Variants in ILKAP observed in about 807,000 individuals in gnomAD.
The protein encoded by ILKAP is integrin-linked kinase-associated serine/threonine phosphatase 2C.
ILKAP carries 11 observed loss-of-function variants against 49.1 expected under a neutral mutation model. That is an observed-to-expected ratio of 0.22 (90% CI 0.14 to 0.37). The LOEUF (loss-of-function observed/expected upper bound fraction) is 0.37. Among genes scored for constraint, ILKAP ranks in the 10% least tolerant of loss-of-function variants. The pLI, the probability that ILKAP is intolerant of heterozygous loss-of-function variation, is 1.00. For missense variants in ILKAP, 363 were observed against 510.8 expected, an observed-to-expected ratio of 0.71 and a Z score of 2.79; for synonymous variants, 186 against 192.8, an observed-to-expected ratio of 0.96 and a Z score of 0.29.
Position 238,203,515 on chromosome 2 carries a change from C to T in ILKAP, c.39G>A (p.Ser13=). Residue 13 remains serine (S), a synonymous_variant, in exon 1 of 12, where the codon TCG becomes TCA. Transcript: ENST00000254654. ...GCCGCTTACCGGCAGCCGGGCGCGG[C>T]GAGCGCTCGGGCTCCGGCAGGTCCC... is the stretch of plus-strand genomic sequence containing the variant. The part of the protein sequence containing the change: ...LFGDLPEPER[S]PRPAAGKEAQ... 1 of 1,249,362 alleles carries T rather than the reference C, an allele frequency of 8.0e-7. No individual in the cohort carries two copies. Among genetic ancestry groups the T allele is most frequent in the South Asian group, 2.0e-5 (1 of 49,040 alleles). 77.4% of individuals were successfully genotyped at this position (1,249,362 alleles called of 1,614,324 possible).
intron 1 of ILKAP, among the ~76,000 whole-genome samples, chr2:238,198,074 T>G (rs2106341574): frequency 6.6e-6 from 1 of 152,170 alleles, no homozygotes; most frequent in Non-Finnish European, 1.5e-5. Context: ...ATTTTACCCT[T>G]ACAACAATCC....
In ILKAP at chr2:238,188,254, G is replaced by A. The variant is rs1288869119; in HGVS notation, c.302C>T (p.Ser101Phe). The A allele has an allele frequency of 1.9e-6, 3 of 1,613,486 alleles. No homozygotes were observed. The East Asian group carries it at 6.7e-5, about 36-fold the overall frequency. The change falls in exon 5 of 12, where the codon TCT becomes TTT. Residue 101 changes from serine (S) to phenylalanine (F), a missense_variant. Ser to Phe is a radical substitution (Grantham distance 155, BLOSUM62 -2). This residue lies in a region of ILKAP where 166 missense variants were observed against 307.3 expected (regional missense o/e 0.54). Coordinates refer to ENST00000254654, the MANE Select transcript of ILKAP (RefSeq NM_030768.3). ...GCCCTTCAGACCAAAGATCACCGAAGAGGCTAAGGAAAAGAGAACAAAAGA... is the reference window on the plus strand; with the variant it reads ...GCCCTTCAGACCAAAGATCACCGAAAAGGCTAAGGAAAAGAGAACAAAAGA... ...ELVEKKVCKA[S>F]SVIFGLKGYV...
At chr2:238,177,975 A>T (rs1693536625) in intron 9 of ILKAP, among the ~76,000 whole-genome samples, 1 of 152,188 alleles carries the variant, frequency 6.6e-6, no homozygotes, top group Non-Finnish European at 1.5e-5. Flanking sequence ...TGTAATTTAT[A>T]AAGGGAAAAA....
chr2:238,176,514 C>G (rs1477387079), intron 9 of ILKAP, among the ~76,000 whole-genome samples: 2 of 152,238 alleles, frequency 1.3e-5, no homozygotes, highest in Non-Finnish European at 2.9e-5. Flanking sequence ...GGCCTCCTGC[C>G]CTTACACACT....
intron 9 of ILKAP, among the ~76,000 whole-genome samples, chr2:238,178,376 A>G (rs530345199): frequency 1.3e-5 from 2 of 152,228 alleles, no homozygotes; most frequent in Non-Finnish European, 2.9e-5. Context: ...TTTTGTAGAG[A>G]TAAGGTCTCA....
In ILKAP at chr2:238,173,569, G is replaced by A. The variant is rs146021042; in HGVS notation, c.921C>T (p.Pro307=). 5.9e-5 allele frequency: 95 copies of A among 1,613,582 alleles called. 1 individual carries two copies. The highest frequency in any genetic ancestry group is 5.2e-4 in the African/African-American group (39 of 74,848). ...QYKRCGVTSV[P]DIRRCQLTPN... ...GGGTCAGCTGGCAGCGTCTGATGTC[G>A]GGCACAGAGGTGACACCGCAGCGCT... Residue 307 remains proline, a synonymous_variant, in exon 10 of 12, where the codon CCC becomes CCT. Coordinates refer to ENST00000254654, the MANE Select transcript of ILKAP (RefSeq NM_030768.3).
chr2:238,194,213 A>C, intron 3 of ILKAP, 62 bp downstream of exon 3: 1 of 1,408,272 alleles, frequency 7.1e-7, no homozygotes, highest in Non-Finnish European at 1.0e-6. Context: ...CATAAATTTC[A>C]CATAAGAGTA....
intron 9 of ILKAP, 82 bp from the exon 10 acceptor site, chr2:238,173,735 A>G: frequency 6.9e-7 from 1 of 1,448,314 alleles, no homozygotes; most frequent in African/African-American, 1.4e-5. Context: ...TTAAAAGCAG[A>G]GAATGGAAGT....
intron 10 of ILKAP, among the ~76,000 whole-genome samples, 176 bp from the exon 11 acceptor site, chr2:238,171,200 C>G (rs1468361214): frequency 2.5e-4 from 35 of 140,322 alleles, no homozygotes; most frequent in African/African-American, 8.4e-4. Flanking sequence ...ACTCTTGTTG[C>G]CCAGGCTGGA....
At position 238,183,809 on chromosome 2, in the gene ILKAP, C is replaced by G. The variant is rs143097839; in HGVS notation, c.627-69G>C. 5.1e-6 allele frequency: 6 copies of G among 1,181,392 alleles called. No homozygotes were observed. The Admixed American group carries it at 1.3e-4, about 25-fold the overall frequency. 73.2% of individuals were successfully genotyped at this position (1,181,392 alleles called of 1,614,324 possible). A position where few individuals can be genotyped will look rare whatever the true frequency, so the allele number is the denominator to read the frequency against. Reference sequence around the variant, plus strand: ...AGCACTTTGAGACTAATTTCCAGAGCTCAATGGGAAGTATCTTATATTTCA... The same window carrying G: ...AGCACTTTGAGACTAATTTCCAGAGGTCAATGGGAAGTATCTTATATTTCA... On this transcript the variant is annotated intron_variant, in intron 7 of 11. Transcript: ENST00000254654.
rs1219085815 is a variant in ILKAP, at chr2:238,173,578, G to A, written c.912C>T (p.Thr304=). The A allele has an allele frequency of 1.4e-5, 22 of 1,613,892 alleles. No homozygotes were observed. The highest frequency in any genetic ancestry group is 3.3e-5 in the South Asian group (3 of 91,090). Residue 304 remains threonine (T), a synonymous_variant, in exon 10 of 12, where the codon ACC becomes ACT. Coordinates refer to ENST00000254654, the MANE Select transcript of ILKAP (RefSeq NM_030768.3). ...GGCAGCGTCTGATGTCGGGCACAGA[G>A]GTGACACCGCAGCGCTTGTACTGCC... ...GDGQYKRCGV[T]SVPDIRRCQL...
At chr2:238,194,769 C>T (rs1214570206) in intron 2 of ILKAP, 36 bp downstream of exon 2, 41 of 1,598,384 alleles carry the variant, frequency 2.6e-5, no homozygotes, top group Non-Finnish European at 3.4e-5. Flanking sequence ...TGAGTAGAGA[C>T]GTTGACACAC....
chr2:238,183,743 G>T lies in ILKAP; in HGVS notation c.627-3C>A. The T allele has an allele frequency of 6.2e-7, 1 of 1,609,058 alleles. No homozygotes were observed. Among genetic ancestry groups the T allele is most frequent in the South Asian group, 1.1e-5 (1 of 90,318 alleles). The stretch of plus-strand genomic sequence containing the variant: ...ACCCATCTTTCCAGGCAGGCTTCCT[G>T]GGGGGAAACACATCAGAAACACAGT... On this transcript the variant is annotated splice_region_variant and splice_polypyrimidine_tract_variant and intron_variant, in intron 7 of 11. Transcript: ENST00000254654.
At chr2:238,192,373 T>C (rs779029352) in intron 3 of ILKAP, among the ~76,000 whole-genome samples, 3 of 152,096 alleles carry the variant, frequency 2.0e-5, no homozygotes, top group Non-Finnish European at 2.9e-5. Flanking sequence ...TAGTACATAA[T>C]CAACTTTTGT....
In ILKAP at chr2:238,203,650, C is replaced by A. The variant is rs995967149; in HGVS notation, c.-97G>T. 607 of 710,916 alleles carry A rather than the reference C, an allele frequency of 8.5e-4. 1 individual carries two copies. Among genetic ancestry groups the A allele is most frequent in the Non-Finnish European group, 1.0e-3 (564 of 545,674 alleles). The allele number at this position is 710,916 out of a possible 1,614,324, so 44.0% of individuals were successfully genotyped here. A position where few individuals can be genotyped will look rare whatever the true frequency, so the allele number is the denominator to read the frequency against. ...CGGGCGGGCGGCAGCAGCGGGCGGG[C>A]GACGGGCAGGGGCGGCCGGCGCCGT... On this transcript the variant is annotated 5_prime_UTR_variant, in exon 1 of 12. Coordinates refer to ENST00000254654, the MANE Select transcript of ILKAP (RefSeq NM_030768.3).
intron 1 of ILKAP, among the ~76,000 whole-genome samples, chr2:238,197,416 G>T (rs940111522): frequency 6.6e-6 from 1 of 152,094 alleles, no homozygotes; most frequent in Non-Finnish European, 1.5e-5. Context: ...CAAGGGAGGG[G>T]ACATTTACAG....
chr2:238,173,479 G>A (rs939766406), intron 10 of ILKAP, 55 bp downstream of exon 10: 9 of 1,587,674 alleles, frequency 5.7e-6, no homozygotes, highest in South Asian at 3.3e-5. Flanking sequence ...TGGAAGTGAG[G>A]AAGAGAAATA....
At chr2:238,190,336 A>G (rs1191546374) in intron 3 of ILKAP, among the ~76,000 whole-genome samples, 1 of 152,218 alleles carries the variant, frequency 6.6e-6, no homozygotes. Context: ...AAGCAAACTA[A>G]CATATCCTAA....
intron 1 of ILKAP, among the ~76,000 whole-genome samples, chr2:238,200,638 A>G (rs1467398148): frequency 5.3e-5 from 8 of 152,322 alleles, no homozygotes; most frequent in African/African-American, 1.9e-4. Context: ...CCTGGGCAAC[A>G]TGGCAAAGCC....
Sources: allele counts gnomAD v4.1 joint callset (sites outside exome capture counted in the v4.1 genomes callset), GRCh38; gene constraint gnomAD v4.1.1; regional missense constraint gnomAD v4.1.1; transcripts MANE v1.5; gene names NCBI Gene and HGNC (gene_info 2026-07-23, HGNC 2026-07-21).